Variants in ANKRD30A observed in about 807,000 individuals in gnomAD.
The protein encoded by ANKRD30A is ankyrin repeat domain-containing protein 30A.
ANKRD30A carries 170 observed loss-of-function variants against 166.3 expected under a neutral mutation model. The ratio of observed to expected loss-of-function variants is 1.02; its 90% CI spans 0.90 to 1.16. The LOEUF (loss-of-function observed/expected upper bound fraction) is 1.16. Ranked by LOEUF, ANKRD30A falls within the 50% of genes most tolerant of loss-of-function variation. The probability of loss-of-function intolerance (pLI) is 0.00; values close to 1 mark genes in which losing one functional copy is unlikely to be tolerated. For synonymous variants in ANKRD30A, 564 were observed against 508.9 expected (o/e 1.11, Z -1.46); for missense variants, 1,630 against 1,518.0 (o/e 1.07, Z -1.23).
chr10:37,149,182 T>C (rs2132550859), intron 9 of ANKRD30A, among the ~76,000 whole-genome samples: 1 of 152,148 alleles, frequency 6.6e-6, no homozygotes, highest in Admixed American at 6.5e-5. Context: ...TATTATGAAC[T>C]AAGTATATAT....
chr10:37,265,207 A>G, the ANKRD30A span, among the ~76,000 whole-genome samples: 2 of 152,130 alleles, frequency 1.3e-5, no homozygotes, highest in Non-Finnish European at 1.5e-5. Context: ...TTTCTAGTGC[A>G]TGAGATTCAG....
intron 31 of ANKRD30A, among the ~76,000 whole-genome samples, chr10:37,214,411 G>C (rs1212939243): frequency 6.6e-6 from 1 of 151,130 alleles, no homozygotes; most frequent in Non-Finnish European, 1.5e-5. Flanking sequence ...TGTAATTATT[G>C]ATATGATAAA....
Position 37,162,654 on chromosome 10 carries a change from C to G in ANKRD30A, c.1906C>G (p.Pro636Ala), listed in dbSNP as rs1224128023. 1 of 1,612,138 alleles carries G rather than the reference C, an allele frequency of 6.2e-7. No individual in the cohort carries two copies. The highest frequency in any genetic ancestry group is 1.1e-5 in the South Asian group (1 of 91,000). Residue 636 changes from proline (P) to alanine (A), a missense_variant, in exon 16 of 36, where the codon CCG becomes GCG. Transcript: ENST00000361713. ...KDMQTFKAEP[P>A]GKPSAFEPAT... ...AAATCTCTTTTGCTTTTTAGAGCCTCCGGGGAAGCCATCTGCCTTCGAGGT... is the reference window on the plus strand; with the variant it reads ...AAATCTCTTTTGCTTTTTAGAGCCTGCGGGGAAGCCATCTGCCTTCGAGGT...
At chr10:37,151,538 C>T (rs1450015431) in intron 11 of ANKRD30A, among the ~76,000 whole-genome samples, 2 of 152,014 alleles carry the variant, frequency 1.3e-5, no homozygotes, top group Non-Finnish European at 2.9e-5. Flanking sequence ...ACCCAATACA[C>T]TGTCATAGAA....
At chr10:37,226,377 C>A (rs1476419762) in intron 34 of ANKRD30A, among the ~76,000 whole-genome samples, 1 of 150,322 alleles carries the variant, frequency 6.7e-6, no homozygotes, top group Non-Finnish European at 1.5e-5. Context: ...TTTGTCCTTG[C>A]AATAGTTTGC....
chr10:37,256,753 T>C, the ANKRD30A span, among the ~76,000 whole-genome samples: 1 of 152,188 alleles, frequency 6.6e-6, no homozygotes, highest in Non-Finnish European at 1.5e-5. Flanking sequence ...AAGTATTGCA[T>C]ATGGTGGATA....
At chr10:37,218,925 C>T (rs1842735889) in intron 33 of ANKRD30A, 55 bp from the exon 34 acceptor site, 2 of 1,156,584 alleles carry the variant, frequency 1.7e-6, no homozygotes, top group South Asian at 1.6e-5. Context: ...TTCAGAGGAA[C>T]CATGATATGC....
rs1839033842 is a variant in ANKRD30A at position 37,162,795 on chromosome 10, AG to A, written c.1950del (p.Lys650AsnfsTer10). 6.2e-7 allele frequency: 1 copy of A among 1,613,664 alleles called. No homozygotes were observed. Among genetic ancestry groups the A allele is most frequent in the South Asian group, 1.1e-5 (1 of 91,070 alleles). On this transcript the variant is annotated frameshift_variant, in exon 17 of 36. Transcript: ENST00000361713. LOFTEE classifies it high-confidence loss of function. ...SAFEPATEMQ[K>X]SVPNKALELK... ...ATTTAGCCTGCCACTGAAATGCAAA[AG>A]TCTGTCCCAAATAAAGCCTTGGAAT...
Position 37,162,539 on chromosome 10 carries a change from C to A in ANKRD30A, c.1901-110C>A, listed in dbSNP as rs1268083631. 2.9e-6 allele frequency: 4 copies of A among 1,402,104 alleles called. No individual in the cohort carries two copies. In the East Asian group the frequency reaches 6.8e-5, roughly 24 times the overall value. 86.9% of individuals were successfully genotyped at this position (1,402,104 alleles called of 1,614,324 possible). A position where few individuals can be genotyped will look rare whatever the true frequency, so the allele number is the denominator to read the frequency against. Reference sequence around the variant, plus strand: ...GAAAACTTTCCAAATCTAAAGTATTCATTCTCCAATTGGAGCAAGAGGAGT... The same window carrying A: ...GAAAACTTTCCAAATCTAAAGTATTAATTCTCCAATTGGAGCAAGAGGAGT... On this transcript the variant is annotated intron_variant, in intron 15 of 35. Transcript: ENST00000361713.
the ANKRD30A span, among the ~76,000 whole-genome samples, chr10:37,260,911 A>C: frequency 6.6e-6 from 1 of 152,162 alleles, no homozygotes; most frequent in Non-Finnish European, 1.5e-5. Context: ...GGAGGGAGAG[A>C]AAAAAGGGTT....
At chr10:37,250,627 G>T in the ANKRD30A span, among the ~76,000 whole-genome samples, 1 of 152,104 alleles carries the variant, frequency 6.6e-6, no homozygotes, top group African/African-American at 2.4e-5. Context: ...AGGTGATCAG[G>T]TTTTGAGGGC....
chr10:37,143,753 G>A (rs1173971504), intron 7 of ANKRD30A, among the ~76,000 whole-genome samples: 1 of 147,834 alleles, frequency 6.8e-6, no homozygotes, highest in African/African-American at 2.5e-5. Context: ...TGAGCAAACA[G>A]GCAAGATTGT....
the ANKRD30A span, among the ~76,000 whole-genome samples, chr10:37,247,402 T>C: frequency 3.1e-3 from 465 of 152,286 alleles, 4 homozygotes; most frequent in East Asian, 0.045. Context: ...ATTTATCTTA[T>C]AGTGATTTAT....
the ANKRD30A span, among the ~76,000 whole-genome samples, chr10:37,250,550 C>T: frequency 2.0e-5 from 3 of 152,206 alleles, no homozygotes; most frequent in East Asian, 5.8e-4. Flanking sequence ...TGCTCCCAGA[C>T]CCCGACATTT....
intron 35 of ANKRD30A, among the ~76,000 whole-genome samples, chr10:37,232,143 T>C (rs1843436345): frequency 6.6e-6 from 1 of 152,040 alleles, no homozygotes; most frequent in South Asian, 2.1e-4. Flanking sequence ...ATGTTCATTA[T>C]TTAAAGTAAT....
intron 29 of ANKRD30A, 139 bp downstream of exon 29, chr10:37,197,619 G>A (rs1841245332): frequency 1.5e-6 from 2 of 1,340,652 alleles, no homozygotes; most frequent in Non-Finnish European, 2.0e-6. Flanking sequence ...TGGTATTGAT[G>A]TTTGAAAAGC....
intron 34 of ANKRD30A, among the ~76,000 whole-genome samples, chr10:37,224,429 T>C (rs1843037645): frequency 6.6e-6 from 1 of 150,906 alleles, no homozygotes; most frequent in Admixed American, 6.6e-5. Context: ...GAGCTACATA[T>C]ATATATCACT....
At chr10:37,215,181 A>C (rs1842540353) in intron 31 of ANKRD30A, among the ~76,000 whole-genome samples, 1 of 151,426 alleles carries the variant, frequency 6.6e-6, no homozygotes, top group African/African-American at 2.4e-5. Flanking sequence ...TTATGGTATG[A>C]GCTAACTCCC....
Position 37,141,841 on chromosome 10 carries a change from A to G in ANKRD30A, c.944A>G (p.Asp315Gly), listed in dbSNP as rs750249237. 1.4e-5 allele frequency: 22 copies of G among 1,613,924 alleles called. No homozygotes were observed. The highest frequency in any genetic ancestry group is 3.3e-4 in the Middle Eastern group (2 of 6,042). ...EAAPLVERTP[D>G]TAESLVEKTP... Reference sequence around the variant, plus strand: ...GCACCCTTGGTGGAAAGAACACCTGACACGGCTGAAAGCTTGGTGGAAAAA... The same window carrying G: ...GCACCCTTGGTGGAAAGAACACCTGGCACGGCTGAAAGCTTGGTGGAAAAA... The change falls in exon 7 of 36, where the codon GAC becomes GGC. Residue 315 changes from aspartate to glycine, a missense_variant. Physicochemically the swap from Asp to Gly is moderately conservative, Grantham distance 94. This residue lies in a region of ANKRD30A where 904 missense variants were observed against 818.5 expected (regional missense o/e 1.10). Coordinates refer to ENST00000361713, the MANE Select transcript of ANKRD30A (RefSeq NM_052997.3).
Sources: gnomAD v4.1 joint callset for allele counts (sites outside exome capture counted in the v4.1 genomes callset) on GRCh38, gnomAD v4.1.1 for gene constraint, gnomAD v4.1.1 regional missense constraint, MANE v1.5 for transcripts, NCBI Gene and HGNC (gene_info 2026-07-23, HGNC 2026-07-21) for gene names.